Variants in ATP11A observed in about 807,000 individuals in gnomAD.
The protein encoded by ATP11A is phospholipid-transporting ATPase IH.
ATP11A carries 81 observed loss-of-function variants against 154.4 expected under a neutral mutation model. That is an observed-to-expected ratio of 0.52 (90% CI 0.44 to 0.63). The LOEUF (loss-of-function observed/expected upper bound fraction) is 0.63. ATP11A is among the 30% of genes least tolerant of loss of function. The probability of loss-of-function intolerance (pLI) is 0.00; values close to 1 mark genes in which losing one functional copy is unlikely to be tolerated. For missense variants in ATP11A, 1,316 were observed against 1,474.3 expected (o/e 0.89, Z 1.76); for synonymous variants, 623 against 585.9 (o/e 1.06, Z -0.91).
intron 2 of ATP11A, among the ~76,000 whole-genome samples, chr13:112,788,332 C>G (rs566349022): frequency 7.5e-6 from 1 of 134,202 alleles, no homozygotes; most frequent in Non-Finnish European, 1.6e-5. Flanking sequence ...GGTGTCCTGA[C>G]GTGTAGACCC....
intron 1 of ATP11A, among the ~76,000 whole-genome samples, chr13:112,706,926 T>G (rs534633244): frequency 6.6e-6 from 1 of 152,258 alleles, no homozygotes; most frequent in African/African-American, 2.4e-5. Context: ...TTTTTGCGAC[T>G]GAGTTATTAC....
chr13:112,837,389 A>G (rs9603963), intron 16 of ATP11A, among the ~76,000 whole-genome samples: 6,892 of 152,298 alleles, frequency 0.045, 267 homozygotes, highest in African/African-American at 0.1. Flanking sequence ...AGCAGCGTGC[A>G]GGACATTGCT....
chr13:112,885,901 C>A lies in ATP11A; in HGVS notation c.*4035C>A, dbSNP rs557085176. On this transcript the variant is annotated 3_prime_UTR_variant, in exon 30 of 30. Coordinates refer to ENST00000375645, the MANE Select transcript of ATP11A (RefSeq NM_015205.3). ...GGGGGTGAAGTCGCAGCTTCACTTA[C>A]ACCAGCTGCTCTGTGAGCAAGGCTT... The A allele has an allele frequency of 5.9e-5, 9 of 152,446 alleles. No homozygotes were observed. Among genetic ancestry groups the A allele is most frequent in the African/African-American group, 2.2e-4 (9 of 41,600 alleles). 9.4% of individuals were successfully genotyped at this position (152,446 alleles called of 1,614,324 possible).
In ATP11A at chr13:112,690,629, C is replaced by CA. The variant is rs1885043135; in HGVS notation, c.39+175dup. ...TGCTGGGGAGGGGCCTCGGAGTTGA[C>CA]ACCCTGGGGCTTCCGACGGGGTCTA... On this transcript the variant is annotated intron_variant, in intron 1 of 29. Coordinates refer to ENST00000375645, the MANE Select transcript of ATP11A (RefSeq NM_015205.3). This position sits in a 1 kb window ranked among gnomAD's most constrained non-coding sequence, Gnocchi z 5.6. Among the ~76,000 whole-genome samples, 1 of 151,918 alleles carries CA rather than the reference C, an allele frequency of 6.6e-6. No homozygotes were observed. Among genetic ancestry groups the CA allele is most frequent in the East Asian group, 2.0e-4 (1 of 5,104 alleles).
At chr13:112,791,204 C>A (rs1263230890) in intron 2 of ATP11A, among the ~76,000 whole-genome samples, 1 of 152,232 alleles carries the variant, frequency 6.6e-6, no homozygotes, top group Admixed American at 6.5e-5. Context: ...AGGCAGGAAG[C>A]ACCCAGGTGT....
chr13:112,713,294 C>T (rs1302551400), intron 1 of ATP11A, among the ~76,000 whole-genome samples: 2 of 152,132 alleles, frequency 1.3e-5, no homozygotes, highest in African/African-American at 4.8e-5. Context: ...ACTCAGGAGG[C>T]TGAGACAGGA....
chr13:112,734,562 C>A (rs1890806925), intron 1 of ATP11A, among the ~76,000 whole-genome samples: 1 of 152,120 alleles, frequency 6.6e-6, no homozygotes, highest in Admixed American at 6.5e-5. Context: ...AGAGTCAAAC[C>A]CTGACTGTAT....
At position 112,819,793 on chromosome 13, in the gene ATP11A, C is replaced by T. The variant is rs146798096; in HGVS notation, c.675-107C>T. On this transcript the variant is annotated intron_variant, in intron 7 of 29. Transcript: ENST00000375645. The stretch of plus-strand genomic sequence containing the variant: ...GGGGCTGCTTTAGCCGCACACGGAG[C>T]GGGCCAGGTGAAGACGTGTGGCTCA... 1.4e-3 allele frequency: 1,688 copies of T among 1,168,470 alleles called. 20 individuals carry two copies. The East Asian group carries it at 0.026, about 18-fold the overall frequency. 72.4% of individuals were successfully genotyped at this position (1,168,470 alleles called of 1,614,324 possible). A position where few individuals can be genotyped will look rare whatever the true frequency, so the allele number is the denominator to read the frequency against.
At chr13:112,729,268 A>G (rs1890226993) in intron 1 of ATP11A, among the ~76,000 whole-genome samples, 1 of 152,118 alleles carries the variant, frequency 6.6e-6, no homozygotes, top group African/African-American at 2.4e-5. Context: ...CTCGTTAACG[A>G]TTGGATGTTG....
intron 1 of ATP11A, among the ~76,000 whole-genome samples, chr13:112,727,289 T>G (rs1566389995): frequency 6.6e-6 from 1 of 152,156 alleles, no homozygotes; most frequent in Non-Finnish European, 1.5e-5. Flanking sequence ...TCAGGTGATC[T>G]GCCCGCCTTG....
intron 24 of ATP11A, chr13:112,860,703 C>T (rs552355706): frequency 7.2e-5 from 20 of 276,434 alleles, no homozygotes; most frequent in Non-Finnish European, 1.0e-4. Context: ...GGGGTACAAG[C>T]GTCTTCCTCG....
chr13:112,698,869 C>T (rs1272690820), intron 1 of ATP11A, among the ~76,000 whole-genome samples: 1 of 152,094 alleles, frequency 6.6e-6, no homozygotes, highest in African/African-American at 2.4e-5. Flanking sequence ...TTACAGGCGC[C>T]TGCCACCACG....
At chr13:112,841,066 C>T (rs931185144) in intron 16 of ATP11A, among the ~76,000 whole-genome samples, 3 of 152,288 alleles carry the variant, frequency 2.0e-5, no homozygotes, top group East Asian at 3.8e-4. Flanking sequence ...CGCCGTAGCA[C>T]GGCGTTTCCC....
rs2080803522 is a variant in ATP11A, at chr13:112,878,768, C to G, written c.*9+465C>G. ...ACCCACTTCTGTGCCCATTCTGCAG[C>G]TGGAAAGACTGAGGGCAGCTAGGAT... On this transcript the variant is annotated intron_variant, in intron 29 of 29. Coordinates refer to ENST00000375645, the MANE Select transcript of ATP11A (RefSeq NM_015205.3). Among the ~76,000 whole-genome samples the G allele has an allele frequency of 9.2e-5, 14 of 152,362 alleles. No individual in the cohort carries two copies. The South Asian group carries it at 2.9e-3, about 32-fold the overall frequency.
At chr13:112,788,670 CG>C (rs2077734113) in intron 2 of ATP11A, among the ~76,000 whole-genome samples, 1 of 151,342 alleles carries the variant, frequency 6.6e-6, no homozygotes, top group South Asian at 2.1e-4. Context: ...TAATTCACAC[CG>C]GGTGTCCTGA....
intron 24 of ATP11A, 124 bp downstream of exon 24, chr13:112,860,538 A>C (rs1254109232): frequency 8.7e-7 from 1 of 1,152,952 alleles, no homozygotes; most frequent in Non-Finnish European, 1.2e-6. Flanking sequence ...GCATCTGCTG[A>C]TATTCTTGCT....
intron 6 of ATP11A, among the ~76,000 whole-genome samples, chr13:112,818,110 C>T (rs532033705): frequency 8.6e-5 from 13 of 151,920 alleles, no homozygotes; most frequent in East Asian, 3.9e-4. Flanking sequence ...TGCTTGGTGA[C>T]GGAACAGTGA....
chr13:112,726,969 C>T (rs1245061730), intron 1 of ATP11A, among the ~76,000 whole-genome samples: 1 of 152,206 alleles, frequency 6.6e-6, no homozygotes, highest in African/African-American at 2.4e-5. Context: ...TACAGCTTTA[C>T]AATTCTTGCA....
intron 25 of ATP11A, among the ~76,000 whole-genome samples, chr13:112,869,049 A>G (rs557055338): frequency 6.6e-6 from 1 of 152,042 alleles, no homozygotes; most frequent in East Asian, 1.9e-4. Context: ...TCTCCCTCCA[A>G]CACACGGGGA....
Sources: gnomAD v4.1 joint callset for allele counts (sites outside exome capture counted in the v4.1 genomes callset) on GRCh38, gnomAD v4.1.1 for gene constraint, Gnocchi (gnomAD v3.1) non-coding constraint, MANE v1.5 for transcripts, NCBI Gene and HGNC (gene_info 2026-07-23, HGNC 2026-07-21) for gene names.